The following WDR12 variants were observed in gnomAD, a reference collection of about 807,000 sequenced individuals.
WDR12 encodes WD repeat domain 12, also known as ribosome biogenesis protein WDR12.
WDR12 carries 42 observed loss-of-function variants against 64.3 expected under a neutral mutation model. The observed-to-expected ratio is 0.65, with a 90% CI of 0.51 to 0.84. WDR12 has a LOEUF of 0.84. WDR12 is among the 40% of genes least tolerant of loss of function. WDR12 has a pLI of 0.00. For synonymous variants in WDR12, 158 were observed against 173.3 expected, an observed-to-expected ratio of 0.91 and a Z score of 0.70; for missense variants, 469 against 494.6, an observed-to-expected ratio of 0.95 and a Z score of 0.49.
chr2:202,909,782 A>ATTTATTATTTATTTAT (rs1553543312), intron 1 of WDR12, among the ~76,000 whole-genome samples: 1 of 150,774 alleles, frequency 6.6e-6, no homozygotes, highest in Non-Finnish European at 1.5e-5. Flanking sequence ...CAAGAATTTT[A>ATTTATTATTTATTTAT]TTATTTATTT....
rs1296724698 is a variant in WDR12 at position 202,878,438 on chromosome 2, G to A, written c.*2422C>T. The A allele has an allele frequency of 4.6e-5, 7 of 152,172 alleles. No individual in the cohort carries two copies. Among genetic ancestry groups the A allele is most frequent in the Admixed American group, 3.3e-4 (5 of 15,276 alleles). The allele number at this position is 152,172 out of a possible 1,614,324, so 9.4% of individuals were successfully genotyped here. ...AAATTTATACCAATCAGCACAAAAT[G>A]AGAAAAAGAAGGATTCTGTGCATGA... On this transcript the variant is annotated 3_prime_UTR_variant, in exon 13 of 13. Coordinates refer to ENST00000261015, the MANE Select transcript of WDR12 (RefSeq NM_018256.4).
intron 12 of WDR12, 131 bp downstream of exon 12, chr2:202,882,580 G>A (rs1341786535): frequency 5.1e-6 from 4 of 780,208 alleles, no homozygotes; most frequent in Non-Finnish European, 6.3e-6. Context: ...TGCCCACCTT[G>A]GCCTCCCAAA....
chr2:202,894,247 C>T (rs1394777553), intron 7 of WDR12, among the ~76,000 whole-genome samples: 24 of 151,386 alleles, frequency 1.6e-4, no homozygotes, highest in Admixed American at 1.6e-3. Flanking sequence ...CAGGTTCTCA[C>T]TCCATCACCC....
Position 202,882,631 on chromosome 2 carries a change from A to G in WDR12, c.1194+80T>C. 4 of 1,484,936 alleles carry G rather than the reference A, an allele frequency of 2.7e-6. No homozygotes were observed. The South Asian group carries it at 3.4e-5, about 13-fold the overall frequency. The allele number at this position is 1,484,936 out of a possible 1,614,324, so 92.0% of individuals were successfully genotyped here. ...GCGTGAGCCACTGCACCCGGCCCGAAACTAATACATTTTATAAACACAAAC... is the reference window on the plus strand; with the variant it reads ...GCGTGAGCCACTGCACCCGGCCCGAGACTAATACATTTTATAAACACAAAC... On this transcript the variant is annotated intron_variant, in intron 12 of 12. Transcript: ENST00000261015.
At chr2:202,881,039 G>A (rs937531063) in intron 12 of WDR12, 102 bp from the exon 13 acceptor site, 3 of 1,034,464 alleles carry the variant, frequency 2.9e-6, no homozygotes, top group Non-Finnish European at 2.7e-6. Flanking sequence ...ATTACAAAAG[G>A]AATTATGGGT....
intron 2 of WDR12, among the ~76,000 whole-genome samples, chr2:202,903,504 TGAGGGAGGGAGG>T (rs554926228): frequency 3.4e-5 from 1 of 29,592 alleles, no homozygotes; most frequent in Admixed American, 4.9e-4. Context: ...AGGAAGGAAG[TGAGGGAGGGAGG>T]GAGGGAGGGA....
chr2:202,890,033 C>G (rs140731232), intron 8 of WDR12, among the ~76,000 whole-genome samples: 5 of 151,996 alleles, frequency 3.3e-5, no homozygotes, highest in Non-Finnish European at 7.4e-5. Flanking sequence ...TCAAGACCAA[C>G]CTGGGTGACA....
At chr2:202,882,805 A>G (rs779826856) in intron 11 of WDR12, 22 bp from the exon 12 acceptor site, 19 of 1,602,934 alleles carry the variant, frequency 1.2e-5, no homozygotes, top group Non-Finnish European at 1.5e-5. Context: ...AAATATTAAC[A>G]TATTATATGC....
chr2:202,879,508 C>A lies in WDR12; in HGVS notation c.*1352G>T, dbSNP rs926438718. 2 of 152,226 alleles carry A rather than the reference C, an allele frequency of 1.3e-5. No homozygotes were observed. The highest frequency in any genetic ancestry group is 2.9e-5 in the Non-Finnish European group (2 of 68,096). 9.4% of individuals were successfully genotyped at this position (152,226 alleles called of 1,614,324 possible). On this transcript the variant is annotated 3_prime_UTR_variant, in exon 13 of 13. Coordinates refer to ENST00000261015, the MANE Select transcript of WDR12 (RefSeq NM_018256.4). ...TGATCTCAGCTCACTGCAACCTCCA[C>A]CTCCTGGGTTCAACCAATTCTCCTG...
intron 4 of WDR12, among the ~76,000 whole-genome samples, 177 bp downstream of exon 4, chr2:202,899,354 T>C (rs1395709593): frequency 6.6e-6 from 1 of 152,126 alleles, no homozygotes. Flanking sequence ...ACCTGTTTCT[T>C]CTTGAAGACA....
intron 5 of WDR12, 118 bp downstream of exon 5, chr2:202,897,182 A>C: frequency 1.6e-6 from 1 of 613,554 alleles, no homozygotes; most frequent in African/African-American, 1.9e-5. Flanking sequence ...GAAAGACCTC[A>C]TAATAACTGA....
At chr2:202,902,142 T>C (rs1406432283) in intron 2 of WDR12, among the ~76,000 whole-genome samples, 1 of 152,128 alleles carries the variant, frequency 6.6e-6, no homozygotes, top group Non-Finnish European at 1.5e-5. Context: ...GTCTATATGT[T>C]TAGAAAAATG....
intron 1 of WDR12, 22 bp downstream of exon 1, chr2:202,911,414 G>A: frequency 1.2e-6 from 2 of 1,613,516 alleles, no homozygotes; most frequent in South Asian, 1.1e-5. Flanking sequence ...GGAAGGGAGA[G>A]AAGGCTGGAA....
At chr2:202,897,900 A>ATATAT (rs1342314676) in intron 4 of WDR12, among the ~76,000 whole-genome samples, 2 of 44,008 alleles carry the variant, frequency 4.5e-5, no homozygotes, top group South Asian at 1.2e-3. Flanking sequence ...AAAAAAAAAA[A>ATATAT]AAAAAAAAAT....
rs1381665878 is a variant in WDR12, at chr2:202,884,440, T to A, written c.837A>T (p.Thr279=). 8.7e-6 allele frequency: 14 copies of A among 1,614,034 alleles called. 1 individual carries two copies. The Admixed American group carries it at 2.0e-4, about 23-fold the overall frequency. The stretch of plus-strand genomic sequence containing the variant: ...CAGACTCAACATCCCACACTCTAAT[T>A]GTATGGTCCCAAGATGCACTGCAGA... ...EEICSASWDH[T]IRVWDVESGS... The change falls in exon 9 of 13, where the codon ACA becomes ACT. Residue 279 remains threonine (T), a synonymous_variant. Transcript: ENST00000261015.
At position 202,897,422 on chromosome 2, in the gene WDR12, G is replaced by C. The variant is rs1688267877; in HGVS notation, c.339-7C>G. 1.4e-6 allele frequency: 2 copies of C among 1,471,280 alleles called. No individual in the cohort carries two copies. Among genetic ancestry groups the C allele is most frequent in the African/African-American group, 1.5e-5 (1 of 67,628 alleles). 91.1% of individuals were successfully genotyped at this position (1,471,280 alleles called of 1,614,324 possible). Reference sequence around the variant, plus strand: ...ATAAGAACCAGTCAAGATCCTATGAGAAAAAAAAATCTTATGAAACACAAA... The same window carrying C: ...ATAAGAACCAGTCAAGATCCTATGACAAAAAAAAATCTTATGAAACACAAA... On this transcript the variant is annotated splice_polypyrimidine_tract_variant and splice_region_variant and intron_variant, in intron 4 of 12. Transcript: ENST00000261015.
chr2:202,900,535 TACC>T (rs1409558754), intron 3 of WDR12, among the ~76,000 whole-genome samples: 2 of 152,170 alleles, frequency 1.3e-5, no homozygotes, highest in South Asian at 2.1e-4. Flanking sequence ...ATGTATATTT[TACC>T]ACAATTTTTA....
intron 10 of WDR12, 185 bp downstream of exon 10, chr2:202,884,013 A>G (rs538082233): frequency 1.5e-6 from 1 of 660,994 alleles, no homozygotes; most frequent in South Asian, 2.0e-5. Flanking sequence ...GGGTTTCTCT[A>G]TGTTGGCCAG....
At chr2:202,899,677 G>C (rs566311483) in intron 3 of WDR12, 40 bp from the exon 4 acceptor site, 2 of 1,555,208 alleles carry the variant, frequency 1.3e-6, no homozygotes, top group East Asian at 4.5e-5. Context: ...AGGTGGTCTA[G>C]TTTTAAAATA....
Sources: allele counts gnomAD v4.1 joint callset (sites outside exome capture counted in the v4.1 genomes callset), GRCh38; gene constraint gnomAD v4.1.1; transcripts MANE v1.5; gene names NCBI Gene and HGNC (gene_info 2026-07-23, HGNC 2026-07-21).